Variants in WDFY4 observed in about 807,000 individuals in gnomAD.
WDFY4 encodes the protein WDFY family member 4.
WDFY4 carries 169 observed loss-of-function variants against 351.9 expected under a neutral mutation model. The ratio of observed to expected loss-of-function variants is 0.48; its 90% CI spans 0.42 to 0.55. WDFY4 has a LOEUF of 0.55. Ranked by LOEUF, WDFY4 falls within the 20% of genes least tolerant of loss-of-function variation. The pLI, the probability that WDFY4 is intolerant of heterozygous loss-of-function variation, is 0.00. For synonymous variants in WDFY4, 1,622 were observed against 1,574.6 expected (o/e 1.03, Z -0.71); for missense variants, 3,803 against 3,935.6 (o/e 0.97, Z 0.90).
chr10:48,770,016 A>G (rs2065808750), intron 13 of WDFY4, among the ~76,000 whole-genome samples: 1 of 152,198 alleles, frequency 6.6e-6, no homozygotes, highest in South Asian at 2.1e-4. Context: ...AGGAAAATCA[A>G]TCCATTTGTA....
intron 23 of WDFY4, among the ~76,000 whole-genome samples, chr10:48,794,337 G>A (rs1009692819): frequency 3.3e-5 from 5 of 152,100 alleles, no homozygotes; most frequent in Non-Finnish European, 7.4e-5. Context: ...GGCAGGTGGC[G>A]CTGGAAAGGA....
intron 30 of WDFY4, 108 bp downstream of exon 30, chr10:48,811,816 C>A (rs909185514): frequency 2.1e-5 from 25 of 1,201,008 alleles, no homozygotes; most frequent in Non-Finnish European, 2.7e-5. Context: ...CTTCTTCCAG[C>A]TCAGATGGGG....
rs1242485947 is a variant in WDFY4 at position 48,745,786 on chromosome 10, C to A, written c.2459+2238C>A. The A allele has an allele frequency of 1.7e-5, 7 of 423,480 alleles. No individual in the cohort carries two copies. The East Asian group carries it at 1.9e-4, about 11-fold the overall frequency. The allele number at this position is 423,480 out of a possible 1,614,324, so 26.2% of individuals were successfully genotyped here. A position where few individuals can be genotyped will look rare whatever the true frequency, so the allele number is the denominator to read the frequency against. On this transcript the variant is annotated intron_variant, in intron 12 of 61. Transcript: ENST00000325239. ...CACAGCCTTGCGGGCAGCAGAAACA[C>A]CCATCTAGTTTTCCTGCTGTAGGGC...
At chr10:48,941,933 G>A in intron 48 of WDFY4, 85 bp downstream of exon 48, 1 of 1,314,414 alleles carries the variant, frequency 7.6e-7, no homozygotes, top group Non-Finnish European at 1.1e-6. Flanking sequence ...GGAAGTGTGT[G>A]GATCAACCAA....
intron 10 of WDFY4, among the ~76,000 whole-genome samples, chr10:48,734,390 A>G (rs1322199984): frequency 6.6e-6 from 1 of 152,276 alleles, no homozygotes; most frequent in East Asian, 1.9e-4. Flanking sequence ...CGGGCAAAGA[A>G]ATCTAGCCAT....
At chr10:48,720,561 A>C (rs1010704590) in intron 3 of WDFY4, among the ~76,000 whole-genome samples, 1 of 151,832 alleles carries the variant, frequency 6.6e-6, no homozygotes. Flanking sequence ...GAAACTACAC[A>C]CAGACACACA....
At chr10:48,734,631 T>C (rs1166225986) in intron 10 of WDFY4, among the ~76,000 whole-genome samples, 1 of 151,978 alleles carries the variant, frequency 6.6e-6, no homozygotes, top group Non-Finnish European at 1.5e-5. Context: ...CTATACCTAA[T>C]GTAAAAAATT....
chr10:48,931,469 A>G (rs1032798245), intron 47 of WDFY4, among the ~76,000 whole-genome samples: 1 of 152,208 alleles, frequency 6.6e-6, no homozygotes, highest in Non-Finnish European at 1.5e-5. Flanking sequence ...GGGCCGTGCT[A>G]TAAACAACAC....
intron 51 of WDFY4, among the ~76,000 whole-genome samples, chr10:48,952,998 G>C (rs922666022): frequency 6.6e-6 from 1 of 152,144 alleles, no homozygotes; most frequent in Non-Finnish European, 1.5e-5. Flanking sequence ...TGCCCTGACA[G>C]TTCAGGCTCT....
chr10:48,907,234 A>G (rs939494182), intron 47 of WDFY4, among the ~76,000 whole-genome samples: 46 of 152,234 alleles, frequency 3.0e-4, no homozygotes, highest in African/African-American at 1.0e-3. Flanking sequence ...TCAGAGAAAT[A>G]CAAGGCTAGG....
At chr10:48,981,886 T>C (rs1842821800) in intron 61 of WDFY4, among the ~76,000 whole-genome samples, 1 of 152,252 alleles carries the variant, frequency 6.6e-6, no homozygotes, top group African/African-American at 2.4e-5. Flanking sequence ...TTAGCTGCTG[T>C]AGCATAGCCA....
intron 47 of WDFY4, chr10:48,913,848 A>G (rs1191329278): frequency 1.2e-6 from 2 of 1,614,026 alleles, no homozygotes; most frequent in Non-Finnish European, 8.5e-7. Context: ...GTTGTTGCTG[A>G]CGTTGAGGTA....
chr10:48,807,795 T>C, intron 27 of WDFY4, 64 bp from the exon 28 acceptor site: 1 of 1,506,982 alleles, frequency 6.6e-7, no homozygotes, highest in Non-Finnish European at 9.0e-7. Context: ...TATGATTGCT[T>C]ACTGCAGCAA....
At chr10:48,957,865 C>G (rs887328017) in intron 52 of WDFY4, among the ~76,000 whole-genome samples, 2 of 152,226 alleles carry the variant, frequency 1.3e-5, no homozygotes, top group African/African-American at 4.8e-5. Context: ...CGGTGGGTAG[C>G]TCCCCTGGGG....
rs1842280986 is a variant in WDFY4, at chr10:48,970,273, G to T, written c.8912G>T (p.Gly2971Val). The change falls in exon 57 of 62, where the codon GGC becomes GTC. Residue 2971 changes from glycine to valine, a missense_variant. By Grantham distance (109) the Gly-to-Val change is moderately radical. Coordinates refer to ENST00000325239, the MANE Select transcript of WDFY4 (RefSeq NM_001394531.1). ...AGCATGACCAAAGGCCGCCCGAGGG[G>T]CTTGCGCCTCCGGCAGGTATGGTCC... Reference protein sequence around the residue: ...ELSMTKGRPRGLRLRQALYGH... With the variant: ...ELSMTKGRPRVLRLRQALYGH... 2 of 1,551,110 alleles carry T rather than the reference G, an allele frequency of 1.3e-6. No individual in the cohort carries two copies. Among genetic ancestry groups the T allele is most frequent in the Middle Eastern group, 1.7e-4 (1 of 5,992 alleles).
intron 39 of WDFY4, among the ~76,000 whole-genome samples, chr10:48,840,786 A>G (rs2133118457): frequency 6.6e-6 from 1 of 152,312 alleles, no homozygotes; most frequent in Non-Finnish European, 1.5e-5. Context: ...TTTCCATTTT[A>G]AGGAGTCTTA....
chr10:48,709,904 A>T lies in WDFY4; in HGVS notation c.172A>T (p.Thr58Ser). 6.4e-7 allele frequency: 1 copy of T among 1,552,120 alleles called. No homozygotes were observed. Among genetic ancestry groups the T allele is most frequent in the Non-Finnish European group, 8.7e-7 (1 of 1,147,090 alleles). Residue 58 changes from threonine to serine, a missense_variant, in exon 2 of 62, where the codon ACT (threonine) becomes TCT (serine). This residue lies in a region of WDFY4 where 488 missense variants were observed against 456.8 expected (regional missense o/e 1.07). Coordinates refer to ENST00000325239, the MANE Select transcript of WDFY4 (RefSeq NM_001394531.1). ...ERKFLEYQQLTHKSPIERQKS... is the reference protein window; with the variant it reads ...ERKFLEYQQLSHKSPIERQKS... ...GAAGTTTCTGGAATACCAGCAGTTG[A>T]CTCACAAGAGCCCCATTGAGCGTCA...
chr10:48,977,731 C>A (rs1008203112), intron 59 of WDFY4, among the ~76,000 whole-genome samples: 2 of 152,230 alleles, frequency 1.3e-5, no homozygotes, highest in Non-Finnish European at 2.9e-5. Context: ...TCGATGTGGT[C>A]ACTGAGCTCC....
chr10:48,869,177 G>A (rs1241127921), intron 40 of WDFY4, among the ~76,000 whole-genome samples: 1 of 152,154 alleles, frequency 6.6e-6, no homozygotes, highest in African/African-American at 2.4e-5. Context: ...CTTTTTTAAG[G>A]AGTAGTATGC....
Sources: allele counts gnomAD v4.1 joint callset (sites outside exome capture counted in the v4.1 genomes callset), GRCh38; gene constraint gnomAD v4.1.1; regional missense constraint gnomAD v4.1.1; transcripts MANE v1.5; gene names NCBI Gene and HGNC (gene_info 2026-07-23, HGNC 2026-07-21).